SYBU: variants seen among roughly 807,000 people sequenced by gnomAD.
The protein encoded by SYBU is GOLSYN A protein.
In SYBU, 21 loss-of-function variants were observed where a neutral mutation model predicts 35.9. The observed-to-expected ratio is 0.58, with a 90% CI of 0.41 to 0.84. The LOEUF (loss-of-function observed/expected upper bound fraction) is 0.84, where lower values mean the gene tolerates loss of function less well. SYBU is among the 40% of genes least tolerant of loss of function. SYBU has a pLI of 0.00. For missense variants in SYBU, 768 were observed against 848.2 expected (o/e 0.91, Z 1.17); for synonymous variants, 319 against 324.3 (o/e 0.98, Z 0.18).
At chr8:109,614,934 C>T (rs536762491) in intron 3 of SYBU, among the ~76,000 whole-genome samples, 5 of 152,352 alleles carry the variant, frequency 3.3e-5, no homozygotes, top group Admixed American at 6.5e-5. Context: ...CGTGTGCTGC[C>T]GGGCCCTGTT....
chr8:109,632,066 T>C (rs1452480866), intron 2 of SYBU, among the ~76,000 whole-genome samples: 1 of 152,176 alleles, frequency 6.6e-6, no homozygotes, highest in Non-Finnish European at 1.5e-5. Flanking sequence ...TTTATTTTTT[T>C]GAGACAGAGT....
chr8:109,620,965 A>G (rs1325290212), intron 2 of SYBU, among the ~76,000 whole-genome samples: 3 of 152,114 alleles, frequency 2.0e-5, no homozygotes, highest in Non-Finnish European at 4.4e-5. Context: ...TCCTATCCCA[A>G]AGCAGATAAA....
intron 3 of SYBU, among the ~76,000 whole-genome samples, chr8:109,613,589 G>T (rs1811432266): frequency 6.6e-6 from 1 of 150,992 alleles, no homozygotes. Flanking sequence ...GGACAAGTTA[G>T]GTAACCTGGG....
At chr8:109,607,059 T>C (rs1183827840) in intron 3 of SYBU, among the ~76,000 whole-genome samples, 2 of 152,208 alleles carry the variant, frequency 1.3e-5, no homozygotes, top group Non-Finnish European at 2.9e-5. Context: ...CGAACTAAAG[T>C]TGGAGTTACC....
At chr8:109,580,460 G>GTA (rs1407744276) in intron 4 of SYBU, 1 of 169,046 alleles carries the variant, frequency 5.9e-6, no homozygotes, top group Non-Finnish European at 1.3e-5. Flanking sequence ...GGGGAAGGTG[G>GTA]TACCCCATAC....
chr8:109,611,726 C>T (rs1811191398), intron 3 of SYBU, among the ~76,000 whole-genome samples: 1 of 152,156 alleles, frequency 6.6e-6, no homozygotes, highest in Non-Finnish European at 1.5e-5. Context: ...AAAGGACTAG[C>T]TCATGATTAA....
At chr8:109,642,965 G>C in intron 1 of SYBU, 33 bp from the exon 2 acceptor site, 1 of 1,450,328 alleles carries the variant, frequency 6.9e-7, no homozygotes, top group Non-Finnish European at 9.1e-7. Context: ...GAAAACAAAA[G>C]GAAACGCGTT....
chr8:109,616,306 G>A (rs1376009829), intron 3 of SYBU, among the ~76,000 whole-genome samples: 2 of 151,950 alleles, frequency 1.3e-5, no homozygotes, highest in South Asian at 2.1e-4. Context: ...CACCACGCCC[G>A]GCCTATTCCC....
chr8:109,618,723 T>G (rs1378149697), intron 3 of SYBU, 119 bp downstream of exon 3: 5 of 936,060 alleles, frequency 5.3e-6, no homozygotes, highest in East Asian at 2.4e-5. Context: ...AAAATGATGC[T>G]TTAGATGCTG....
At chr8:109,655,387 T>C (rs1257732604) in intron 1 of SYBU, among the ~76,000 whole-genome samples, 2 of 152,206 alleles carry the variant, frequency 1.3e-5, no homozygotes, top group East Asian at 1.9e-4. Flanking sequence ...ATGATGAACA[T>C]AGAAGCTGTG....
At chr8:109,591,140 G>A (rs1563692507) in intron 3 of SYBU, among the ~76,000 whole-genome samples, 1 of 152,308 alleles carries the variant, frequency 6.6e-6, no homozygotes, top group East Asian at 1.9e-4. Flanking sequence ...CCGCCATCGT[G>A]AAAAGGAGTG....
intron 2 of SYBU, among the ~76,000 whole-genome samples, chr8:109,632,656 AG>A (rs1295760882): frequency 6.6e-6 from 1 of 151,686 alleles, no homozygotes; most frequent in African/African-American, 2.4e-5. Context: ...TTTAAAAAAA[AG>A]AACAAAAGAA....
At chr8:109,680,179 T>G (rs1817350133) in intron 1 of SYBU, 1 of 152,228 alleles carries the variant, frequency 6.6e-6, no homozygotes, top group Non-Finnish European at 1.5e-5. Flanking sequence ...AGAGCATTAA[T>G]TTTCACTTAC....
At chr8:109,654,187 C>T (rs1816265486) in intron 1 of SYBU, among the ~76,000 whole-genome samples, 1 of 152,118 alleles carries the variant, frequency 6.6e-6, no homozygotes, top group South Asian at 2.1e-4. Context: ...TTTCTTATCC[C>T]CATTCATCAC....
At chr8:109,640,535 G>A (rs57964282) in intron 2 of SYBU, among the ~76,000 whole-genome samples, 7,150 of 152,000 alleles carry the variant, frequency 0.047, 451 homozygotes, top group African/African-American at 0.15. Context: ...CACTCACCAG[G>A]GTGAGCTCTG....
At chr8:109,628,067 A>T (rs75982316) in intron 2 of SYBU, among the ~76,000 whole-genome samples, 8,303 of 152,238 alleles carry the variant, frequency 0.055, 766 homozygotes, top group African/African-American at 0.19. Flanking sequence ...TTTCTCTACA[A>T]ATAATTATTG....
At chr8:109,608,082 G>C in intron 3 of SYBU, 1 of 774,948 alleles carries the variant, frequency 1.3e-6, no homozygotes, top group Non-Finnish European at 2.0e-6. Context: ...GCATGTGCAG[G>C]GCAAGGAAGT....
At chr8:109,598,144 G>T (rs982016483) in intron 3 of SYBU, among the ~76,000 whole-genome samples, 2 of 152,230 alleles carry the variant, frequency 1.3e-5, no homozygotes, top group Admixed American at 6.5e-5. Flanking sequence ...CCCTAAGACA[G>T]GCCTATGCCT....
intron 3 of SYBU, among the ~76,000 whole-genome samples, chr8:109,611,348 A>T (rs1811145051): frequency 6.6e-6 from 1 of 152,214 alleles, no homozygotes; most frequent in African/African-American, 2.4e-5. Flanking sequence ...AAACCATTAA[A>T]GGGCCATTTG....
Sources: gnomAD v4.1 joint callset for allele counts (sites outside exome capture counted in the v4.1 genomes callset) on GRCh38, gnomAD v4.1.1 for gene constraint, MANE v1.5 for transcripts, NCBI Gene and HGNC (gene_info 2026-07-23, HGNC 2026-07-21) for gene names.